The following KRT78 variants were observed in gnomAD, a reference collection of about 807,000 sequenced individuals.
KRT78 encodes keratin, type II cytoskeletal 78.
In KRT78, 55 loss-of-function variants were observed where a neutral mutation model predicts 51.4. The observed-to-expected ratio is 1.07, with a 90% confidence interval of 0.86 to 1.34. The LOEUF is 1.34. Among genes scored for constraint, KRT78 ranks in the 40% most tolerant of loss-of-function variants. The pLI, the probability that KRT78 is intolerant of heterozygous loss-of-function variation, is 0.00. For missense variants in KRT78, 652 were observed against 649.4 expected, an observed-to-expected ratio of 1.00 and a Z score of -0.04; for synonymous variants, 291 against 264.3, an observed-to-expected ratio of 1.10 and a Z score of -0.98.
At chr12:52,839,711 T>A in intron 7 of KRT78, 53 bp downstream of exon 7, 3 of 1,542,186 alleles carry the variant, frequency 1.9e-6, no homozygotes, top group Non-Finnish European at 2.7e-6. Context: ...TGTGTTGGCA[T>A]CCCATCCTCC....
Position 52,848,664 on chromosome 12 carries a change from G to A in KRT78, c.267C>T (p.Asn89=), listed in dbSNP as rs1469307854. The change falls in exon 1 of 9, where the codon AAC becomes AAT. Residue 89 remains asparagine (N), a synonymous_variant. Coordinates refer to ENST00000304620, the MANE Select transcript of KRT78 (RefSeq NM_173352.4). ...PPGGIQEVTI[N]QNLLTPLKIE... ...TCTTCAGTGGGGTCAGCAGATTCTG[G>A]TTGATGGTCACTTCTTGGATGCCCC... 1.2e-6 allele frequency: 2 copies of A among 1,613,760 alleles called. No individual in the cohort carries two copies. Among genetic ancestry groups the A allele is most frequent in the East Asian group, 2.2e-5 (1 of 44,886 alleles).
chr12:52,844,353 A>C, intron 5 of KRT78, 135 bp from the exon 6 acceptor site: 1 of 1,208,394 alleles, frequency 8.3e-7, no homozygotes, highest in African/African-American at 1.5e-5. Context: ...ACAGTGGGAT[A>C]TACTTCCAGA....
chr12:52,844,475 G>A, intron 5 of KRT78, 84 bp downstream of exon 5: 2 of 1,492,806 alleles, frequency 1.3e-6, no homozygotes, highest in Non-Finnish European at 9.1e-7. Flanking sequence ...TGCCCCAATG[G>A]GATCGAGGTG....
intron 2 of KRT78, among the ~76,000 whole-genome samples, chr12:52,847,522 C>A (rs1017384013): frequency 6.6e-6 from 1 of 152,206 alleles, no homozygotes; most frequent in African/African-American, 2.4e-5. Flanking sequence ...TCTTTGGAAC[C>A]AGAGAACATC....
intron 6 of KRT78, among the ~76,000 whole-genome samples, chr12:52,842,951 G>C (rs182560003): frequency 9.3e-6 from 1 of 107,812 alleles, no homozygotes; most frequent in Non-Finnish European, 1.7e-5. Context: ...GAGAGAGAGA[G>C]AGAGAGAGAG....
rs376781668 is a variant in KRT78 at position 52,839,111 on chromosome 12, G to A, written c.*2C>T. On this transcript the variant is annotated 3_prime_UTR_variant, in exon 9 of 9. Transcript: ENST00000304620. ...TCAGGAAGGAGGTGGCTGCTGGGTC[G>A]CTCAGTAGGTGATGGATGTCTTCAG... The A allele has an allele frequency of 1.9e-5, 30 of 1,611,408 alleles. No individual in the cohort carries two copies. Among genetic ancestry groups the A allele is most frequent in the South Asian group, 5.5e-5 (5 of 90,702 alleles).
At chr12:52,840,697 C>A (rs1940474034) in intron 6 of KRT78, among the ~76,000 whole-genome samples, 1 of 151,900 alleles carries the variant, frequency 6.6e-6, no homozygotes, top group South Asian at 2.1e-4. Context: ...CAGAGCAAGA[C>A]TCCATCTCAA....
rs554524661 is a variant in KRT78 at position 52,848,205 on chromosome 12, C to T, written c.385-84G>A. ...GGAAAGTAAAGCCTGAGGGACCCTC[C>T]CATCAGCCTCACCTTTCCCCTGTCC... On this transcript the variant is annotated intron_variant, in intron 1 of 8. Transcript: ENST00000304620. 9 of 1,557,540 alleles carry T rather than the reference C, an allele frequency of 5.8e-6. No homozygotes were observed. In the African/African-American group the frequency reaches 1.2e-4, roughly 21 times the overall value.
At position 52,839,185 on chromosome 12, in the gene KRT78, G is replaced by A. The variant is rs200430605; in HGVS notation, c.1491C>T (p.Ser497=). ...GGATGGTGTGGCAGCTGGAGCCAGC[G>A]CTGGAGCCAGACACAGAGCAGGAAT... ...VLDSCSVSGS[S]AGSSCHTILK... Residue 497 remains serine, a synonymous_variant, in exon 9 of 9, where the codon AGC becomes AGT. Coordinates refer to ENST00000304620, the MANE Select transcript of KRT78 (RefSeq NM_173352.4). The A allele has an allele frequency of 2.7e-5, 43 of 1,613,050 alleles. No homozygotes were observed. The highest frequency in any genetic ancestry group is 1.5e-4 in the African/African-American group (11 of 74,992).
At position 52,838,600 on chromosome 12, in the gene KRT78, G is replaced by A. The variant is rs1940400041; in HGVS notation, c.*513C>T. 3 of 166,240 alleles carry A rather than the reference G, an allele frequency of 1.8e-5. No individual in the cohort carries two copies. The highest frequency in any genetic ancestry group is 5.6e-5 in the Admixed American group (1 of 17,962). The allele number at this position is 166,240 out of a possible 1,614,324, so 10.3% of individuals were successfully genotyped here. A position where few individuals can be genotyped will look rare whatever the true frequency, so the allele number is the denominator to read the frequency against. ...GGAAGGGCCCAGTAGTTTAGACATGGGAATTAGAGAAGGTTCCTAAAAGGA... is the reference window on the plus strand; with the variant it reads ...GGAAGGGCCCAGTAGTTTAGACATGAGAATTAGAGAAGGTTCCTAAAAGGA... On this transcript the variant is annotated 3_prime_UTR_variant, in exon 9 of 9. Transcript: ENST00000304620.
Position 52,838,567 on chromosome 12 carries a change from C to T in KRT78, c.*546G>A, listed in dbSNP as rs1407862272. 6.2e-6 allele frequency: 1 copy of T among 160,300 alleles called. No individual in the cohort carries two copies. The highest frequency in any genetic ancestry group is 1.8e-4 in the East Asian group (1 of 5,464). 9.9% of individuals were successfully genotyped at this position (160,300 alleles called of 1,614,324 possible). ...ACAGCAACAGGTGCAGCCAGACTGC[C>T]AGGGACAGGAAGGGCCCAGTAGTTT... On this transcript the variant is annotated 3_prime_UTR_variant, in exon 9 of 9. Transcript: ENST00000304620.
chr12:52,844,604 G>C lies in KRT78; in HGVS notation c.876C>G (p.Ile292Met). The change falls in exon 5 of 9, where the codon ATC (isoleucine) becomes ATG (methionine). Residue 292 changes from isoleucine to methionine, a missense_variant. Ile to Met is a conservative substitution (Grantham distance 10). Coordinates refer to ENST00000304620, the MANE Select transcript of KRT78 (RefSeq NM_173352.4). ...ITEVRARYEE[I>M]ARSSKAEAEA... Reference sequence around the variant, plus strand: ...CAGCCTCAGCCTTGCTGCTCCGGGCGATCTCCTCGTACCGGGCGCGGACCT... The same window carrying C: ...CAGCCTCAGCCTTGCTGCTCCGGGCCATCTCCTCGTACCGGGCGCGGACCT... The C allele has an allele frequency of 6.2e-7, 1 of 1,614,124 alleles. No homozygotes were observed. The highest frequency in any genetic ancestry group is 2.2e-5 in the East Asian group (1 of 44,880).
Position 52,848,016 on chromosome 12 carries a change from C to T in KRT78, c.490G>A (p.Ala164Thr). The part of the protein sequence containing the change: ...SQQGLEPVFE[A>T]CLDQLRKQLE... ...TGCTTCCTGAGCTGATCCAGGCAGG[C>T]CTCAAAGACAGGCTCCAGGCCCTGC... Residue 164 changes from alanine to threonine, a missense_variant, in exon 2 of 9, where the codon GCC becomes ACC. Coordinates refer to ENST00000304620, the MANE Select transcript of KRT78 (RefSeq NM_173352.4). 6.2e-7 allele frequency: 1 copy of T among 1,614,182 alleles called. No individual in the cohort carries two copies.
intron 6 of KRT78, 148 bp downstream of exon 6, chr12:52,843,945 C>T: frequency 1.0e-6 from 1 of 955,994 alleles, no homozygotes; most frequent in South Asian, 1.6e-5. Flanking sequence ...GTTCTCTTCT[C>T]CCCAAATTAT....
rs573389859 is a variant in KRT78, at chr12:52,844,574, G to A, written c.906C>T (p.Ala302=). 1 of 1,613,626 alleles carries A rather than the reference G, an allele frequency of 6.2e-7. No individual in the cohort carries two copies. Among genetic ancestry groups the A allele is most frequent in the Admixed American group, 1.7e-5 (1 of 59,980 alleles). ...IARSSKAEAE[A]LYQTKYQELQ... is the part of the protein sequence containing the mutation. ...GTCCCACCACCTTGGTCTGGTACAA[G>A]GCCTCAGCCTCAGCCTTGCTGCTCC... is the stretch of plus-strand genomic sequence containing the variant. The change falls in exon 5 of 9, where the codon GCC becomes GCT. Residue 302 remains alanine, a synonymous_variant. Transcript: ENST00000304620.
chr12:52,848,521 AG>A (rs776556021), intron 1 of KRT78, 25 bp downstream of exon 1: 1 of 1,610,686 alleles, frequency 6.2e-7, no homozygotes, highest in South Asian at 1.1e-5. Flanking sequence ...GCACAGAGAC[AG>A]GGGCTTGGCT....
At chr12:52,847,612 C>A (rs530349165) in intron 2 of KRT78, among the ~76,000 whole-genome samples, 1 of 152,370 alleles carries the variant, frequency 6.6e-6, no homozygotes, top group East Asian at 1.9e-4. Context: ...TTTAAATAAG[C>A]CCTTCCCAGC....
intron 6 of KRT78, among the ~76,000 whole-genome samples, chr12:52,842,237 A>G (rs1940515771): frequency 6.6e-6 from 1 of 152,190 alleles, no homozygotes; most frequent in Non-Finnish European, 1.5e-5. Flanking sequence ...TTTTGAATCA[A>G]GCTGTAGTGC....
In KRT78 at chr12:52,848,653, A is replaced by G. The variant is rs1439734169; in HGVS notation, c.278T>C (p.Leu93Pro). Reference sequence around the variant, plus strand: ...ATCGATCTCAATCTTCAGTGGGGTCAGCAGATTCTGGTTGATGGTCACTTC... The same window carrying G: ...ATCGATCTCAATCTTCAGTGGGGTCGGCAGATTCTGGTTGATGGTCACTTC... ...IQEVTINQNLLTPLKIEIDPQ... is the reference protein window; with the variant it reads ...IQEVTINQNLPTPLKIEIDPQ... Residue 93 changes from leucine to proline, a missense_variant, in exon 1 of 9, where the codon CTG becomes CCG. Coordinates refer to ENST00000304620, the MANE Select transcript of KRT78 (RefSeq NM_173352.4). 2 of 1,613,994 alleles carry G rather than the reference A, an allele frequency of 1.2e-6. No individual in the cohort carries two copies. The highest frequency in any genetic ancestry group is 2.2e-5 in the South Asian group (2 of 91,044).
Sources: gnomAD v4.1 joint callset for allele counts (sites outside exome capture counted in the v4.1 genomes callset) on GRCh38, gnomAD v4.1.1 for gene constraint, MANE v1.5 for transcripts, NCBI Gene and HGNC (gene_info 2026-07-23, HGNC 2026-07-21) for gene names.